UVRAG: variants seen among roughly 807,000 people sequenced by gnomAD.
The protein encoded by UVRAG is UV radiation resistance associated.
In UVRAG, 19 loss-of-function variants were observed where a neutral mutation model predicts 78.0. The observed-to-expected ratio is 0.24, with a 90% confidence interval of 0.17 to 0.36. UVRAG has a LOEUF of 0.36. Ranked by LOEUF, UVRAG falls within the 10% of genes least tolerant of loss-of-function variation. The probability of loss-of-function intolerance (pLI) is 1.00; values close to 1 mark genes in which losing one functional copy is unlikely to be tolerated. For missense variants in UVRAG, 740 were observed against 853.8 expected (o/e 0.87, Z 1.66); for synonymous variants, 323 against 324.6 (o/e 1.00, Z 0.05).
intron 13 of UVRAG, among the ~76,000 whole-genome samples, chr11:76,111,220 A>C (rs531643308): frequency 6.6e-6 from 1 of 152,318 alleles, no homozygotes; most frequent in East Asian, 1.9e-4. Context: ...AAATTTAGAA[A>C]ACTTCAAATA....
chr11:75,862,194 TATAA>T (rs1204639798), intron 3 of UVRAG, among the ~76,000 whole-genome samples: 2 of 152,258 alleles, frequency 1.3e-5, no homozygotes, highest in African/African-American at 2.4e-5. Context: ...TTCCATTTCC[TATAA>T]ATAAGTTTCT....
At chr11:75,852,741 A>G (rs891455918) in intron 2 of UVRAG, among the ~76,000 whole-genome samples, 1 of 152,200 alleles carries the variant, frequency 6.6e-6, no homozygotes, top group African/African-American at 2.4e-5. Context: ...AGAGATAATG[A>G]TGTCTTATGA....
intron 12 of UVRAG, 73 bp from the exon 13 acceptor site, chr11:76,065,637 G>A: frequency 7.2e-7 from 1 of 1,390,568 alleles, no homozygotes; most frequent in Non-Finnish European, 1.0e-6. Context: ...AGAAACTTCA[G>A]CCTCTGTTGA....
chr11:76,061,760 C>T (rs1387598050), intron 12 of UVRAG, among the ~76,000 whole-genome samples: 1 of 152,152 alleles, frequency 6.6e-6, no homozygotes, highest in Non-Finnish European at 1.5e-5. Context: ...TAACACTCAC[C>T]GCGAGGGTCC....
At chr11:75,948,724 C>T (rs1172811327) in intron 6 of UVRAG, among the ~76,000 whole-genome samples, 2 of 151,734 alleles carry the variant, frequency 1.3e-5, no homozygotes, top group South Asian at 2.1e-4. Context: ...TGTTAATTAC[C>T]CATAGATACA....
At chr11:76,095,505 CAT>C (rs1324358565) in intron 13 of UVRAG, among the ~76,000 whole-genome samples, 1 of 150,626 alleles carries the variant, frequency 6.6e-6, no homozygotes, top group Non-Finnish European at 1.5e-5. Context: ...ATATATGTCT[CAT>C]ATATCATATA....
At chr11:76,079,594 T>C (rs184411536) in intron 13 of UVRAG, among the ~76,000 whole-genome samples, 32 of 152,332 alleles carry the variant, frequency 2.1e-4, no homozygotes, top group African/African-American at 6.3e-4. Context: ...CATACTAGGC[T>C]TATGTAAGTC....
chr11:75,853,419 G>A (rs1443206287), intron 2 of UVRAG, among the ~76,000 whole-genome samples: 1 of 148,276 alleles, frequency 6.7e-6, no homozygotes, highest in Non-Finnish European at 1.5e-5. Context: ...GAGTGCAATG[G>A]CGTGATCTCA....
At chr11:75,982,171 T>A (rs1351018013) in intron 7 of UVRAG, among the ~76,000 whole-genome samples, 1 of 152,224 alleles carries the variant, frequency 6.6e-6, no homozygotes, top group Non-Finnish European at 1.5e-5. Flanking sequence ...GCCCTCTGTT[T>A]TAGCTGGCTT....
At chr11:76,022,969 C>A (rs1175531927) in intron 12 of UVRAG, among the ~76,000 whole-genome samples, 1 of 151,940 alleles carries the variant, frequency 6.6e-6, no homozygotes, top group Admixed American at 6.6e-5. Flanking sequence ...TTAATTAACA[C>A]CCTACATTTA....
At chr11:75,919,583 A>G (rs1193963168) in intron 6 of UVRAG, among the ~76,000 whole-genome samples, 1 of 152,212 alleles carries the variant, frequency 6.6e-6, no homozygotes, top group Non-Finnish European at 1.5e-5. Flanking sequence ...CTGTCTCACT[A>G]CTTCATGTAA....
intron 13 of UVRAG, among the ~76,000 whole-genome samples, chr11:76,080,643 G>T (rs898242572): frequency 5.9e-5 from 9 of 152,098 alleles, no homozygotes; most frequent in African/African-American, 2.2e-4. Flanking sequence ...TCGTTAGTAC[G>T]TTCAAATTAT....
intron 6 of UVRAG, among the ~76,000 whole-genome samples, chr11:75,941,406 A>G (rs1001460450): frequency 2.6e-5 from 4 of 152,102 alleles, no homozygotes; most frequent in Non-Finnish European, 4.4e-5. Context: ...AAAGTTACTC[A>G]TTACTACAGG....
chr11:76,022,710 C>T (rs888489664), intron 12 of UVRAG, among the ~76,000 whole-genome samples: 60 of 152,156 alleles, frequency 3.9e-4, no homozygotes, highest in Admixed American at 3.9e-3. Flanking sequence ...GCCTTTTATG[C>T]ATTCCTCCAA....
At chr11:76,038,492 AGTTATATTTGTAG>A (rs1440145431) in intron 12 of UVRAG, among the ~76,000 whole-genome samples, 6 of 152,334 alleles carry the variant, frequency 3.9e-5, no homozygotes, top group Admixed American at 2.0e-4. Context: ...TATGTACATA[AGTTATATTTGTAG>A]GTTATATTAA....
intron 13 of UVRAG, among the ~76,000 whole-genome samples, chr11:76,081,664 C>T (rs1211127272): frequency 2.0e-5 from 3 of 151,756 alleles, no homozygotes; most frequent in African/African-American, 7.3e-5. Flanking sequence ...CAATAATAAA[C>T]CGGTTACTCT....
intron 12 of UVRAG, among the ~76,000 whole-genome samples, chr11:76,029,948 A>G (rs1950402965): frequency 1.3e-5 from 2 of 152,208 alleles, no homozygotes; most frequent in African/African-American, 4.8e-5. Context: ...CCAAGTAGGC[A>G]AGACCCTCCA....
At chr11:75,871,942 T>G (rs540530374) in intron 3 of UVRAG, among the ~76,000 whole-genome samples, 94 of 152,346 alleles carry the variant, frequency 6.2e-4, no homozygotes, top group African/African-American at 2.2e-3. Context: ...ATGATATTTA[T>G]GTTGTGGAGC....
chr11:75,847,615 A>G (rs886783700), intron 1 of UVRAG, among the ~76,000 whole-genome samples: 1 of 152,068 alleles, frequency 6.6e-6, no homozygotes, highest in Non-Finnish European at 1.5e-5. Context: ...CCTAGGGCAC[A>G]AGAGGGTTTA....
Sources: allele counts gnomAD v4.1 joint callset (sites outside exome capture counted in the v4.1 genomes callset), GRCh38; gene constraint gnomAD v4.1.1; transcripts MANE v1.5; gene names NCBI Gene and HGNC (gene_info 2026-07-23, HGNC 2026-07-21).